Variants in TRAPPC12 observed in about 807,000 individuals in gnomAD.
TRAPPC12 encodes the protein TPR repeat protein 15.
A neutral mutation model predicts 69.2 loss-of-function variants in TRAPPC12; 61 were observed. The ratio of observed to expected loss-of-function variants is 0.88; its 90% CI spans 0.72 to 1.09. TRAPPC12 has a LOEUF of 1.09. Among genes scored for constraint, TRAPPC12 ranks in the 50% least tolerant of loss-of-function variants. The pLI, the probability that TRAPPC12 is intolerant of heterozygous loss-of-function variation, is 0.00. For missense variants in TRAPPC12, 1,101 were observed against 1,016.4 expected (o/e 1.08, Z -1.13); for synonymous variants, 469 against 438.9 (o/e 1.07, Z -0.86).
intron 5 of TRAPPC12, among the ~76,000 whole-genome samples, chr2:3,436,790 C>G (rs1207657063): frequency 2.0e-5 from 3 of 146,350 alleles, no homozygotes; most frequent in African/African-American, 7.7e-5. Flanking sequence ...GATTAATACC[C>G]CATCACCCCT....
At chr2:3,380,085 C>G (rs1022818874) in intron 1 of TRAPPC12, among the ~76,000 whole-genome samples, 1 of 152,230 alleles carries the variant, frequency 6.6e-6, no homozygotes, top group African/African-American at 2.4e-5. Flanking sequence ...CGCCGCGGCC[C>G]TTGCTCTCCA....
chr2:3,447,680 C>T (rs1367870539), intron 6 of TRAPPC12, among the ~76,000 whole-genome samples: 1 of 152,124 alleles, frequency 6.6e-6, no homozygotes, highest in African/African-American at 2.4e-5. Context: ...AATGTCCAAA[C>T]TATATCATAG....
intron 8 of TRAPPC12, 109 bp from the exon 9 acceptor site, chr2:3,465,488 G>A: frequency 1.3e-6 from 1 of 754,310 alleles, no homozygotes; most frequent in Non-Finnish European, 2.3e-6. Context: ...TCCTGCGTCA[G>A]CGTGTCCTCT....
chr2:3,407,689 C>A (rs555693507), intron 3 of TRAPPC12, among the ~76,000 whole-genome samples: 3 of 152,022 alleles, frequency 2.0e-5, no homozygotes, highest in African/African-American at 7.2e-5. Context: ...GTAGTCCCAG[C>A]TACCCGGGAG....
At chr2:3,385,908 G>A (rs1009376369) in intron 1 of TRAPPC12, among the ~76,000 whole-genome samples, 1 of 152,260 alleles carries the variant, frequency 6.6e-6, no homozygotes, top group African/African-American at 2.4e-5. Context: ...CCATGCACAG[G>A]GGGCTCCCCC....
At chr2:3,478,469 C>T (rs1304686637) in intron 10 of TRAPPC12, among the ~76,000 whole-genome samples, 1 of 152,080 alleles carries the variant, frequency 6.6e-6, no homozygotes, top group Non-Finnish European at 1.5e-5. Context: ...CCCATCTCTA[C>T]TAAAAATACA....
intron 5 of TRAPPC12, among the ~76,000 whole-genome samples, chr2:3,424,993 C>T (rs533118723): frequency 3.9e-4 from 60 of 152,338 alleles, no homozygotes; most frequent in Non-Finnish European, 7.2e-4. Flanking sequence ...CATATCGGGA[C>T]CTGGCGCACA....
rs879430655 is a variant in TRAPPC12, at chr2:3,465,922, A to G, written c.1776+227A>G. ...TGTTGCTAAATGTGAACCCACAGAA[A>G]GTGTCATCACAGCCACACTGAAATG... On this transcript the variant is annotated intron_variant, in intron 9 of 11. Transcript: ENST00000324266. The G allele has an allele frequency of 6.9e-6, 4 of 575,924 alleles. No homozygotes were observed. The African/African-American group carries it at 7.5e-5, about 11-fold the overall frequency. 35.7% of individuals were successfully genotyped at this position (575,924 alleles called of 1,614,324 possible).
chr2:3,451,716 G>A (rs140205452), intron 6 of TRAPPC12, among the ~76,000 whole-genome samples: 7 of 152,118 alleles, frequency 4.6e-5, no homozygotes, highest in African/African-American at 1.7e-4. Context: ...TAGAGATAGG[G>A]TCTCACTCTG....
At chr2:3,417,077 TCTC>T (rs1290638029) in intron 3 of TRAPPC12, among the ~76,000 whole-genome samples, 2 of 152,092 alleles carry the variant, frequency 1.3e-5, no homozygotes, top group Non-Finnish European at 2.9e-5. Flanking sequence ...CAGTGTCTTC[TCTC>T]CTCAGCTACA....
chr2:3,430,643 G>GA (rs1663374773), intron 5 of TRAPPC12, among the ~76,000 whole-genome samples: 1 of 152,184 alleles, frequency 6.6e-6, no homozygotes, highest in African/African-American at 2.4e-5. Context: ...TTTCAACCCT[G>GA]AAAAAATAAT....
In TRAPPC12 at chr2:3,460,268, A is replaced by G. The variant is rs140127955; in HGVS notation, c.1609A>G (p.Ile537Val). ...SVTQEGRQAS[I>V]RLWRSRLGRV... ...AGGCTGCTCTTACCTTGTAGCCTCT[A>G]TCCGGCTGTGGAGGTCACGTCTGGG... The change falls in exon 8 of 12, where the codon ATC becomes GTC. Residue 537 changes from isoleucine (I) to valine (V), a missense_variant. Transcript: ENST00000324266. The G allele has an allele frequency of 5.0e-5, 44 of 873,508 alleles. No homozygotes were observed. Among genetic ancestry groups the G allele is most frequent in the African/African-American group, 3.3e-4 (20 of 61,338 alleles). The allele number at this position is 873,508 out of a possible 1,614,324, so 54.1% of individuals were successfully genotyped here.
At chr2:3,399,697 A>G (rs1661317740) in intron 2 of TRAPPC12, among the ~76,000 whole-genome samples, 1 of 152,174 alleles carries the variant, frequency 6.6e-6, no homozygotes, top group African/African-American at 2.4e-5. Flanking sequence ...TCTTGCTCTC[A>G]TGGTCTAGAT....
intron 1 of TRAPPC12, among the ~76,000 whole-genome samples, chr2:3,384,620 G>T (rs1286943227): frequency 6.6e-6 from 1 of 152,212 alleles, no homozygotes; most frequent in Non-Finnish European, 1.5e-5. Flanking sequence ...ACATTTCTGG[G>T]ATTACCTGAG....
intron 2 of TRAPPC12, among the ~76,000 whole-genome samples, chr2:3,397,599 C>A (rs1004110296): frequency 1.2e-4 from 18 of 152,242 alleles, no homozygotes; most frequent in African/African-American, 4.3e-4. Flanking sequence ...CTTTCTAGAT[C>A]TCTGGATATA....
chr2:3,380,934 T>TA (rs1660179585), intron 1 of TRAPPC12, among the ~76,000 whole-genome samples: 1 of 152,208 alleles, frequency 6.6e-6, no homozygotes, highest in African/African-American at 2.4e-5. Context: ...GTCGGGAAGC[T>TA]AAGACTCAAC....
At chr2:3,384,044 C>T (rs1388511001) in intron 1 of TRAPPC12, among the ~76,000 whole-genome samples, 1 of 151,732 alleles carries the variant, frequency 6.6e-6, no homozygotes, top group African/African-American at 2.4e-5. Context: ...TACAGGCGCC[C>T]TCCACCACAC....
chr2:3,402,318 G>C (rs995915922), intron 3 of TRAPPC12, among the ~76,000 whole-genome samples: 1 of 152,152 alleles, frequency 6.6e-6, no homozygotes. Flanking sequence ...ATGGCTGGGC[G>C]CAGTGGCTCA....
intron 5 of TRAPPC12, among the ~76,000 whole-genome samples, chr2:3,427,822 G>A (rs999908786): frequency 5.9e-5 from 9 of 152,138 alleles, no homozygotes; most frequent in Non-Finnish European, 1.0e-4. Flanking sequence ...CAACCCAGGA[G>A]GCGGAGGTTG....
Sources: allele counts gnomAD v4.1 joint callset (sites outside exome capture counted in the v4.1 genomes callset), GRCh38; gene constraint gnomAD v4.1.1; transcripts MANE v1.5; gene names NCBI Gene and HGNC (gene_info 2026-07-23, HGNC 2026-07-21).